Variants in NCAPD3 observed in about 807,000 individuals in gnomAD.
NCAPD3 encodes condensin-2 complex subunit D3.
In NCAPD3, 105 loss-of-function variants were observed where a neutral mutation model predicts 182.9. The observed-to-expected ratio is 0.57, with a 90% CI of 0.49 to 0.68. The LOEUF is 0.68. Ranked by LOEUF, NCAPD3 falls within the 30% of genes least tolerant of loss-of-function variation. The pLI, the probability that NCAPD3 is intolerant of heterozygous loss-of-function variation, is 0.00. For synonymous variants in NCAPD3, 815 were observed against 679.9 expected, an observed-to-expected ratio of 1.20 and a Z score of -3.09; for missense variants, 1,944 against 1,837.0, an observed-to-expected ratio of 1.06 and a Z score of -1.07.
rs772820699 is a variant in NCAPD3, at chr11:134,153,275, C to T, written c.4327+14G>A. ...CAGTGCATCTATCAGCCCAGAAGGA[C>T]ACCAAGAACTTGCCTTTGGCTGACG... On this transcript the variant is annotated intron_variant, in intron 33 of 34. Coordinates refer to ENST00000534548, the MANE Select transcript of NCAPD3 (RefSeq NM_015261.3). 9.3e-6 allele frequency: 15 copies of T among 1,614,120 alleles called. No individual in the cohort carries two copies. The South Asian group carries it at 1.6e-4, about 18-fold the overall frequency.
chr11:134,220,807 A>G (rs1938200868), intron 1 of NCAPD3, 81 bp from the exon 2 acceptor site: 1 of 1,350,766 alleles, frequency 7.4e-7, no homozygotes, highest in Non-Finnish European at 1.0e-6. Flanking sequence ...AGGTGTGTTC[A>G]AGAGGAGAAA....
At position 134,150,795 on chromosome 11, in the gene NCAPD3, C is replaced by T. The variant is rs2120418105; in HGVS notation, c.*2149G>A. On this transcript the variant is annotated 3_prime_UTR_variant, in exon 35 of 35. Coordinates refer to ENST00000534548, the MANE Select transcript of NCAPD3 (RefSeq NM_015261.3). ...AGAGAAAGCACCCAGACGCCACAGGCTCTGTCGCATTTCAAAACAAACCAT... is the reference window on the plus strand; with the variant it reads ...AGAGAAAGCACCCAGACGCCACAGGTTCTGTCGCATTTCAAAACAAACCAT... 6.6e-6 allele frequency: 1 copy of T among 152,308 alleles called. No homozygotes were observed. Among genetic ancestry groups the T allele is most frequent in the East Asian group, 1.9e-4 (1 of 5,188 alleles). 9.4% of individuals were successfully genotyped at this position (152,308 alleles called of 1,614,324 possible). A position where few individuals can be genotyped will look rare whatever the true frequency, so the allele number is the denominator to read the frequency against.
In NCAPD3 at chr11:134,181,148, T is replaced by G. The variant is rs775591129; in HGVS notation, c.2488A>C (p.Thr830Pro). ...LTQVCGDVLS[T>P]CEHRLSNIVL... Reference sequence around the variant, plus strand: ...ATGTTGGAGAGGCGGTGCTCGCAGGTGGAGAGTACATCCCCACACACCTGC... The same window carrying G: ...ATGTTGGAGAGGCGGTGCTCGCAGGGGGAGAGTACATCCCCACACACCTGC... The change falls in exon 20 of 35, where the codon ACC becomes CCC. Residue 830 changes from threonine to proline, a missense_variant. Coordinates refer to ENST00000534548, the MANE Select transcript of NCAPD3 (RefSeq NM_015261.3). 1.1e-5 allele frequency: 17 copies of G among 1,614,096 alleles called. No homozygotes were observed. Among genetic ancestry groups the G allele is most frequent in the Non-Finnish European group, 1.4e-5 (17 of 1,180,006 alleles).
Position 134,223,951 on chromosome 11 carries a change from C to T in NCAPD3, c.-25G>A, listed in dbSNP as rs535258135. On this transcript the variant is annotated 5_prime_UTR_variant, in exon 1 of 35. Transcript: ENST00000534548. ...TGATCCCAGGGCACCGGCTCGCCGCCGCCGTGCTCAACTTTCAAAGCTCGC... is the reference window on the plus strand; with the variant it reads ...TGATCCCAGGGCACCGGCTCGCCGCTGCCGTGCTCAACTTTCAAAGCTCGC... 1.2e-5 allele frequency: 20 copies of T among 1,608,864 alleles called. No homozygotes were observed. Among genetic ancestry groups the T allele is most frequent in the Middle Eastern group, 3.3e-4 (2 of 6,048 alleles).
chr11:134,224,047 G>A (rs1938354473), upstream of NCAPD3: 4 of 1,219,348 alleles, frequency 3.3e-6, no homozygotes, highest in East Asian at 1.0e-4. Context: ...GCCAACCACC[G>A]CGCCGAGCCG....
chr11:134,151,124 G>A lies in NCAPD3; in HGVS notation c.*1820C>T, dbSNP rs1344269381. 1 of 152,282 alleles carries A rather than the reference G, an allele frequency of 6.6e-6. No individual in the cohort carries two copies. The highest frequency in any genetic ancestry group is 6.5e-5 in the Admixed American group (1 of 15,288). 9.4% of individuals were successfully genotyped at this position (152,282 alleles called of 1,614,324 possible). On this transcript the variant is annotated 3_prime_UTR_variant, in exon 35 of 35. Transcript: ENST00000534548. ...AGGAGCACTCCACTGTGTGCCTGGA[G>A]AATGGCTCTCACTACTCACCTTGTC...
chr11:134,190,071 C>T (rs935874638), intron 16 of NCAPD3, among the ~76,000 whole-genome samples: 2 of 152,112 alleles, frequency 1.3e-5, no homozygotes, highest in African/African-American at 4.8e-5. Flanking sequence ...TTTATGATTT[C>T]GATATACCAT....
At chr11:134,223,566 A>C (rs1033519080) in intron 1 of NCAPD3, 1 of 685,196 alleles carries the variant, frequency 1.5e-6, no homozygotes, top group Non-Finnish European at 2.7e-6. Flanking sequence ...AAGAATAGAT[A>C]GGTGCACGAA....
chr11:134,181,778 A>G (rs1944302896), intron 19 of NCAPD3, among the ~76,000 whole-genome samples: 1 of 152,178 alleles, frequency 6.6e-6, no homozygotes, highest in Non-Finnish European at 1.5e-5. Context: ...GTAGGAAACC[A>G]TTCCAAAACA....
chr11:134,160,339 C>T (rs1273273108), intron 28 of NCAPD3, among the ~76,000 whole-genome samples: 2 of 152,136 alleles, frequency 1.3e-5, no homozygotes, highest in Non-Finnish European at 2.9e-5. Context: ...GGAGCAAACA[C>T]CACTGGCCAC....
intron 8 of NCAPD3, among the ~76,000 whole-genome samples, chr11:134,205,767 T>C (rs1937599889): frequency 6.6e-6 from 1 of 152,252 alleles, no homozygotes; most frequent in Non-Finnish European, 1.5e-5. Flanking sequence ...GACTGGCATA[T>C]GAGAAACTCT....
chr11:134,167,709 G>A (rs1189180579), intron 27 of NCAPD3, among the ~76,000 whole-genome samples: 42 of 107,006 alleles, frequency 3.9e-4, no homozygotes, highest in South Asian at 1.5e-3. Flanking sequence ...CACTAGTGAG[G>A]TGAGCTTGGG....
intron 31 of NCAPD3, 42 bp from the exon 32 acceptor site, chr11:134,157,137 C>A: frequency 6.6e-7 from 1 of 1,508,296 alleles, no homozygotes; most frequent in Non-Finnish European, 9.1e-7. Context: ...TACCCCCAAA[C>A]AATAACGAAG....
intron 3 of NCAPD3, among the ~76,000 whole-genome samples, chr11:134,212,572 T>C (rs1016213724): frequency 1.3e-5 from 2 of 152,088 alleles, no homozygotes; most frequent in Non-Finnish European, 2.9e-5. Context: ...TTTTCTTTTT[T>C]GGTAGAGATG....
chr11:134,205,194 C>T lies in NCAPD3; in HGVS notation c.1017-223G>A, dbSNP rs572004233. Among the ~76,000 whole-genome samples, 118 of 152,252 alleles carry T rather than the reference C, an allele frequency of 7.8e-4. 1 individual carries two copies. Among genetic ancestry groups the T allele is most frequent in the South Asian group, 5.8e-3 (28 of 4,820 alleles). ...AGCTGCTGCAGAGTAGCTAAGTCAT[C>T]AGGTAAGAACAAAAATGTAATCTTC... On this transcript the variant is annotated intron_variant, in intron 8 of 34. Transcript: ENST00000534548.
chr11:134,223,960 C>G lies in NCAPD3; in HGVS notation c.-34G>C. On this transcript the variant is annotated 5_prime_UTR_variant, in exon 1 of 35. Coordinates refer to ENST00000534548, the MANE Select transcript of NCAPD3 (RefSeq NM_015261.3). ...GGCACCGGCTCGCCGCCGCCGTGCT[C>G]AACTTTCAAAGCTCGCTCCCGCGCG... is the stretch of plus-strand genomic sequence containing the variant. The G allele has an allele frequency of 6.2e-7, 1 of 1,607,478 alleles. No individual in the cohort carries two copies. Among genetic ancestry groups the G allele is most frequent in the African/African-American group, 1.3e-5 (1 of 75,008 alleles).
rs770022851 is a variant in NCAPD3 at position 134,177,227 on chromosome 11, G to A, written c.3013C>T (p.Leu1005Phe). Residue 1005 changes from leucine (L) to phenylalanine (F), a missense_variant, in exon 23 of 35, where the codon CTC becomes TTC. Transcript: ENST00000534548. ...RKQTLILLTNLLQEEFVKWKG... is the reference protein window; with the variant it reads ...RKQTLILLTNFLQEEFVKWKG... ...TGAACCCCCCTACGCACCTGCAAGA[G>A]ATTGGTAAGCAAGATGAGTGTCTGC... The A allele has an allele frequency of 6.2e-7, 1 of 1,613,226 alleles. No homozygotes were observed. Among genetic ancestry groups the A allele is most frequent in the East Asian group, 2.2e-5 (1 of 44,886 alleles).
At chr11:134,162,135 T>A (rs1201494887) in intron 27 of NCAPD3, among the ~76,000 whole-genome samples, 2 of 152,174 alleles carry the variant, frequency 1.3e-5, no homozygotes, top group Non-Finnish European at 2.9e-5. Flanking sequence ...ATATTCTAAA[T>A]GGGGAAAAAG....
At chr11:134,157,907 G>C (rs1230412180) in intron 31 of NCAPD3, 21 bp downstream of exon 31, 1 of 1,606,110 alleles carries the variant, frequency 6.2e-7, no homozygotes, top group Non-Finnish European at 8.5e-7. Context: ...TACTGTGTCT[G>C]GCACCAAACA....
Sources: gnomAD v4.1 joint callset for allele counts (sites outside exome capture counted in the v4.1 genomes callset) on GRCh38, gnomAD v4.1.1 for gene constraint, MANE v1.5 for transcripts, NCBI Gene and HGNC (gene_info 2026-07-23, HGNC 2026-07-21) for gene names.